Variants in EBF1 observed in about 807,000 individuals in gnomAD.
The protein encoded by EBF1 is transcription factor COE1.
In EBF1, 10 loss-of-function variants were observed where a neutral mutation model predicts 68.4. That is an observed-to-expected ratio of 0.15 (90% confidence interval 0.09 to 0.25). EBF1 has a LOEUF of 0.25. Among genes scored for constraint, EBF1 ranks in the 10% least tolerant of loss-of-function variants. The probability of loss-of-function intolerance (pLI) is 1.00; values close to 1 mark genes in which losing one functional copy is unlikely to be tolerated. For synonymous variants in EBF1, 298 were observed against 299.8 expected (o/e 0.99, Z 0.06); for missense variants, 509 against 794.4 (o/e 0.64, Z 4.32).
At chr5:159,077,629 T>A (rs533255842) in intron 5 of EBF1, among the ~76,000 whole-genome samples, 1 of 151,838 alleles carries the variant, frequency 6.6e-6, no homozygotes, top group Admixed American at 6.6e-5. Flanking sequence ...CAGTATGCCA[T>A]CAGGAAATAT....
chr5:158,860,245 A>T (rs1009716332), intron 6 of EBF1, among the ~76,000 whole-genome samples: 1 of 152,248 alleles, frequency 6.6e-6, no homozygotes, highest in Non-Finnish European at 1.5e-5. Context: ...CAACCCTAAG[A>T]TAGTAACTAC....
intron 1 of EBF1, among the ~76,000 whole-genome samples, chr5:159,098,924 G>A (rs1390291587): frequency 6.7e-6 from 1 of 148,866 alleles, no homozygotes; most frequent in Admixed American, 6.7e-5. Context: ...AAGGAAGGAA[G>A]GAAGAGAAAG....
intron 6 of EBF1, among the ~76,000 whole-genome samples, chr5:159,021,528 C>T (rs897597553): frequency 2.0e-5 from 3 of 152,220 alleles, no homozygotes; most frequent in Admixed American, 6.5e-5. Context: ...CAAAAGTACA[C>T]AGCCGCATGC....
intron 6 of EBF1, among the ~76,000 whole-genome samples, chr5:158,989,250 G>A (rs1759784196): frequency 1.3e-5 from 2 of 152,182 alleles, no homozygotes; most frequent in South Asian, 4.1e-4. Flanking sequence ...GAGAAGAAGG[G>A]CTTTCTGCAA....
intron 6 of EBF1, among the ~76,000 whole-genome samples, chr5:158,852,968 G>A (rs1793264723): frequency 6.6e-6 from 1 of 152,066 alleles, no homozygotes; most frequent in South Asian, 2.1e-4. Flanking sequence ...AAAAAATGCT[G>A]GAATGGGATA....
intron 15 of EBF1, among the ~76,000 whole-genome samples, chr5:158,701,174 T>A (rs536604252): frequency 6.6e-6 from 1 of 152,306 alleles, no homozygotes; most frequent in East Asian, 1.9e-4. Context: ...GGTGCAAGTC[T>A]ACTTTCGCTT....
chr5:158,839,847 G>A (rs1444985263), intron 7 of EBF1, among the ~76,000 whole-genome samples, 182 bp downstream of exon 7: 1 of 152,146 alleles, frequency 6.6e-6, no homozygotes, highest in African/African-American at 2.4e-5. Flanking sequence ...AGCACAGGTG[G>A]TACAGTTCCC....
intron 6 of EBF1, among the ~76,000 whole-genome samples, chr5:158,845,220 G>T (rs1791219642): frequency 6.6e-6 from 1 of 152,134 alleles, no homozygotes. Flanking sequence ...GAATATACTG[G>T]GCAAGAGCTT....
intron 6 of EBF1, among the ~76,000 whole-genome samples, chr5:158,969,923 A>AGAAAGAAG (rs1755253104): frequency 7.9e-6 from 1 of 127,374 alleles, no homozygotes. Flanking sequence ...AAAGAAAAAA[A>AGAAAGAAG]AAAAAAAGGC....
chr5:158,733,117 C>T (rs866008238), intron 10 of EBF1, among the ~76,000 whole-genome samples: 13 of 152,152 alleles, frequency 8.5e-5, no homozygotes, highest in Admixed American at 3.3e-4. Context: ...GTAAAATCCA[C>T]TGTATTTAAT....
chr5:159,053,568 G>A (rs1286175690), intron 6 of EBF1, among the ~76,000 whole-genome samples: 1 of 151,264 alleles, frequency 6.6e-6, no homozygotes, highest in Non-Finnish European at 1.5e-5. Flanking sequence ...ATCTGGCATT[G>A]GGTATTTTAA....
chr5:158,802,552 A>G (rs1238581283), intron 8 of EBF1, among the ~76,000 whole-genome samples: 1 of 152,172 alleles, frequency 6.6e-6, no homozygotes. Flanking sequence ...TGATGCTTAC[A>G]GTGGAGGTGA....
intron 6 of EBF1, among the ~76,000 whole-genome samples, chr5:159,029,260 G>A (rs1347115412): frequency 6.6e-6 from 1 of 152,206 alleles, no homozygotes; most frequent in Non-Finnish European, 1.5e-5. Flanking sequence ...GATACACGAT[G>A]TTGGCAAAGA....
At chr5:158,906,089 A>G (rs1562266154) in intron 6 of EBF1, among the ~76,000 whole-genome samples, 1 of 152,130 alleles carries the variant, frequency 6.6e-6, no homozygotes, top group Non-Finnish European at 1.5e-5. Context: ...TCCCAGCTTT[A>G]CCATGAGGGG....
In EBF1 at chr5:158,712,162, G is replaced by T. The variant is rs748700592; in HGVS notation, c.1541C>A (p.Pro514His). Residue 514 changes from proline (P) to histidine (H), a missense_variant, in exon 14 of 16, where the codon CCC (proline) becomes CAC (histidine). Pro to His is a moderately conservative substitution (Grantham distance 77, BLOSUM62 -2). Coordinates refer to ENST00000313708, the MANE Select transcript of EBF1 (RefSeq NM_024007.5). ...TFLNGSAANSPYAIVPSSPTM... is the reference protein window; with the variant it reads ...TFLNGSAANSHYAIVPSSPTM... ...TATGCATCTCTACTTACTGGCATAG[G>T]GGGAGTTGGCAGCTGAGCCGTTGAG... 6.2e-7 allele frequency: 1 copy of T among 1,613,788 alleles called. No homozygotes were observed.
chr5:158,914,680 T>C lies in EBF1; in HGVS notation c.555-74570A>G, dbSNP rs183868798. On this transcript the variant is annotated intron_variant, in intron 6 of 15. Transcript: ENST00000313708. ...GAAAGATCAACCACGGTTTTGGCTGTGTGTGGGGCGGTAGGAGGTGGGGAA... is the reference window on the plus strand; with the variant it reads ...GAAAGATCAACCACGGTTTTGGCTGCGTGTGGGGCGGTAGGAGGTGGGGAA... 3.9e-3 allele frequency among the ~76,000 whole-genome samples: 600 copies of C among 152,088 alleles called. 2 individuals are homozygous for C. The highest frequency in any genetic ancestry group is 6.8e-3 in the Middle Eastern group (2 of 294).
intron 8 of EBF1, among the ~76,000 whole-genome samples, chr5:158,810,303 T>C (rs1437263454): frequency 6.6e-6 from 1 of 152,220 alleles, no homozygotes; most frequent in Non-Finnish European, 1.5e-5. Context: ...AGGTGCTCAG[T>C]ATCTGTTGGC....
chr5:158,771,359 A>G (rs535802852), intron 10 of EBF1, among the ~76,000 whole-genome samples: 17 of 152,288 alleles, frequency 1.1e-4, no homozygotes, highest in African/African-American at 4.1e-4. Context: ...AATTCATAAT[A>G]TAAGCCAAAT....
intron 2 of EBF1, 140 bp from the exon 3 acceptor site, chr5:159,096,546 G>T: frequency 1.1e-6 from 1 of 877,206 alleles, no homozygotes; most frequent in Non-Finnish European, 1.8e-6. Flanking sequence ...AGCAGAAATT[G>T]TGGCCAATTG....
Sources: gnomAD v4.1 joint callset for allele counts (sites outside exome capture counted in the v4.1 genomes callset) on GRCh38, gnomAD v4.1.1 for gene constraint, MANE v1.5 for transcripts, NCBI Gene and HGNC (gene_info 2026-07-23, HGNC 2026-07-21) for gene names.